The following SLC22A8 variants were observed in gnomAD, a reference collection of about 807,000 sequenced individuals.
SLC22A8 encodes the protein solute carrier family 22 member 8.
In SLC22A8, 40 loss-of-function variants were observed where a neutral mutation model predicts 48.4. The ratio of observed to expected loss-of-function variants is 0.83; its 90% confidence interval spans 0.64 to 1.08. The LOEUF is 1.08. Ranked by LOEUF, SLC22A8 falls within the 50% of genes least tolerant of loss-of-function variation. The pLI is 0.00. For synonymous variants in SLC22A8, 268 were observed against 286.3 expected (o/e 0.94, Z 0.65); for missense variants, 606 against 699.0 (o/e 0.87, Z 1.50).
At chr11:63,003,223 G>T (rs2086518343) in intron 2 of SLC22A8, among the ~76,000 whole-genome samples, 1 of 152,248 alleles carries the variant, frequency 6.6e-6, no homozygotes. Context: ...ATGAAGTGGA[G>T]AATTTAATTC....
chr11:63,001,124 C>T, intron 2 of SLC22A8: 1 of 380,934 alleles, frequency 2.6e-6, no homozygotes, highest in Non-Finnish European at 5.0e-6. Context: ...TGCCTGCTTC[C>T]CTGTTTGCCT....
At chr11:62,994,475 G>A in intron 8 of SLC22A8, 67 bp downstream of exon 8, 1 of 1,217,436 alleles carries the variant, frequency 8.2e-7, no homozygotes, top group Admixed American at 2.0e-5. Flanking sequence ...AGAGCCAGCA[G>A]TGAAGTCCCT....
chr11:63,008,064 G>A (rs2086576011), intron 2 of SLC22A8, among the ~76,000 whole-genome samples: 1 of 152,214 alleles, frequency 6.6e-6, no homozygotes. Flanking sequence ...GTTACTGTGA[G>A]CCACTGTAAG....
chr11:62,997,540 G>A (rs900225061), intron 5 of SLC22A8, among the ~76,000 whole-genome samples: 1 of 152,138 alleles, frequency 6.6e-6, no homozygotes, highest in Non-Finnish European at 1.5e-5. Context: ...AAATCTTGAT[G>A]CTCAGAGGGC....
chr11:63,009,269 G>T (rs2135141877), intron 2 of SLC22A8, among the ~76,000 whole-genome samples: 1 of 152,224 alleles, frequency 6.6e-6, no homozygotes, highest in East Asian at 1.9e-4. Context: ...GACCCGGCAG[G>T]GGACCCTCCC....
rs540202635 is a variant in SLC22A8, at chr11:63,013,134, G to A, written c.333+1492C>T. ...TACAGTGTGTTCAGGAAGGTTAAAA[G>A]TGTTAATATCTGTGAAGCTCTTAGA... is the stretch of plus-strand genomic sequence containing the variant. On this transcript the variant is annotated intron_variant, in intron 2 of 10. Coordinates refer to ENST00000336232, the MANE Select transcript of SLC22A8 (RefSeq NM_004254.4). Among the ~76,000 whole-genome samples, 7 of 152,282 alleles carry A rather than the reference G, an allele frequency of 4.6e-5. No individual in the cohort carries two copies. In the South Asian group the frequency reaches 1.5e-3, roughly 32 times the overall value.
chr11:63,001,596 C>T (rs1222898819), intron 2 of SLC22A8, among the ~76,000 whole-genome samples: 3 of 152,216 alleles, frequency 2.0e-5, no homozygotes, highest in East Asian at 1.9e-4. Context: ...CTGCACTCCT[C>T]GTCTCCTTCA....
rs2086363087 is a variant in SLC22A8 at position 62,993,192 on chromosome 11, C to T, written c.*45G>A. ...CTCCCTATACTCCTAAGGTGCCTGG[C>T]TAGGATCAGTCTCTGGAGGGCAGGG... On this transcript the variant is annotated 3_prime_UTR_variant, in exon 11 of 11. Transcript: ENST00000336232. 1.3e-6 allele frequency: 2 copies of T among 1,491,188 alleles called. No individual in the cohort carries two copies. Among genetic ancestry groups the T allele is most frequent in the Non-Finnish European group, 1.9e-6 (2 of 1,080,290 alleles). 92.4% of individuals were successfully genotyped at this position (1,491,188 alleles called of 1,614,324 possible).
intron 2 of SLC22A8, among the ~76,000 whole-genome samples, chr11:63,001,662 C>T (rs1240651807): frequency 1.3e-5 from 2 of 152,286 alleles, no homozygotes; most frequent in East Asian, 3.9e-4. Context: ...TTCCTGAATC[C>T]TCCTCTCTCT....
intron 2 of SLC22A8, among the ~76,000 whole-genome samples, chr11:63,006,595 GTTTTT>G (rs58058368): frequency 0.042 from 2,116 of 50,938 alleles, 10 homozygotes; most frequent in Non-Finnish European, 0.06. Context: ...TCTCATTTGA[GTTTTT>G]TTTTTTTTTT....
chr11:63,008,218 G>A (rs188517136), intron 2 of SLC22A8, among the ~76,000 whole-genome samples: 59 of 152,328 alleles, frequency 3.9e-4, no homozygotes, highest in African/African-American at 1.2e-3. Flanking sequence ...GGCAGAAAGT[G>A]GGCTGTAGAG....
chr11:63,001,693 C>A (rs976480673), intron 2 of SLC22A8, among the ~76,000 whole-genome samples: 1 of 152,188 alleles, frequency 6.6e-6, no homozygotes, highest in African/African-American at 2.4e-5. Flanking sequence ...CAGGCGATGC[C>A]ATCTGTTCCT....
At chr11:63,010,041 C>T (rs1027190675) in intron 2 of SLC22A8, among the ~76,000 whole-genome samples, 2 of 152,088 alleles carry the variant, frequency 1.3e-5, no homozygotes, top group Non-Finnish European at 2.9e-5. Context: ...GGGGACAAAC[C>T]CTCTAGTTCT....
chr11:63,000,555 A>G lies in SLC22A8; in HGVS notation c.437+165T>C, dbSNP rs1451480199. Among the ~76,000 whole-genome samples the G allele has an allele frequency of 3.3e-5, 5 of 151,754 alleles. No individual in the cohort carries two copies. The East Asian group carries it at 9.7e-4, about 29-fold the overall frequency. On this transcript the variant is annotated intron_variant, in intron 3 of 10. Transcript: ENST00000336232. ...TTGTAAGGGCTTTGGGGTGGAGAGAAGGCTGTGGTCCAGAAAGGTAGTGAG... is the reference window on the plus strand; with the variant it reads ...TTGTAAGGGCTTTGGGGTGGAGAGAGGGCTGTGGTCCAGAAAGGTAGTGAG...
Position 62,994,594 on chromosome 11 carries a change from A to G in SLC22A8, c.1164T>C (p.Ala388=). 6.2e-7 allele frequency: 1 copy of G among 1,613,932 alleles called. No homozygotes were observed. The highest frequency in any genetic ancestry group is 8.5e-7 in the Non-Finnish European group (1 of 1,179,960). ...TGGCCCCTCCTGCCAGGAGCAGGGC[A>G]GCGGCCTGAGTGGTATGCCGGCCCA... is the stretch of plus-strand genomic sequence containing the variant. ...SYLGRHTTQA[A]ALLLAGGAIL... The change falls in exon 8 of 11, where the codon GCT becomes GCC. Residue 388 remains alanine (A), a synonymous_variant. Transcript: ENST00000336232.
In SLC22A8 at chr11:63,001,959, C is replaced by CT. The variant is rs1316089800; in HGVS notation, c.334-1137dup. Among the ~76,000 whole-genome samples, 3 of 152,114 alleles carry CT rather than the reference C, an allele frequency of 2.0e-5. No homozygotes were observed. The East Asian group carries it at 5.8e-4, about 29-fold the overall frequency. On this transcript the variant is annotated intron_variant, in intron 2 of 10. Transcript: ENST00000336232. Reference sequence around the variant, plus strand: ...TTTTTTTTTGAGACAGGGTCTCACTCTGTCACCCAGGCTGACTACAGTGGC... The same window carrying CT: ...TTTTTTTTTGAGACAGGGTCTCACTCTTGTCACCCAGGCTGACTACAGTGGC...
rs200398881 is a variant in SLC22A8 at position 63,014,644 on chromosome 11, C to T, written c.315G>A (p.Lys105=). The T allele has an allele frequency of 1.9e-6, 3 of 1,598,118 alleles. No individual in the cohort carries two copies. The highest frequency in any genetic ancestry group is 2.2e-5 in the East Asian group (1 of 44,500). Residue 105 remains lysine (K), a synonymous_variant, in exon 2 of 11, where the codon AAG becomes AAA. Transcript: ENST00000336232. ...CLDGWVYNST[K]DSIVTEWDLV... ...GGCATACCTCTGTCACAATGGAGTC[C>T]TTGGTGCTGTTGTAGACCCAGCCAT... is the stretch of plus-strand genomic sequence containing the variant.
At chr11:63,006,886 C>T (rs756363135) in intron 2 of SLC22A8, among the ~76,000 whole-genome samples, 24 of 151,996 alleles carry the variant, frequency 1.6e-4, no homozygotes, top group Non-Finnish European at 2.5e-4. Context: ...GGATTACAGG[C>T]GTGAGCCACC....
chr11:62,994,105 T>TTCCAAAAGAA (rs1436317888), intron 8 of SLC22A8: 1 of 578,754 alleles, frequency 1.7e-6, no homozygotes, highest in East Asian at 2.8e-5. Context: ...CTTGTTCTTG[T>TTCCAAAAGAA]CTTAAAATAC....
Sources: allele counts gnomAD v4.1 joint callset (sites outside exome capture counted in the v4.1 genomes callset), GRCh38; gene constraint gnomAD v4.1.1; transcripts MANE v1.5; gene names NCBI Gene and HGNC (gene_info 2026-07-23, HGNC 2026-07-21).